TSPAN5: variants seen among roughly 807,000 people sequenced by gnomAD.
TSPAN5 encodes tetraspanin 5, also known as tetraspanin-5.
In TSPAN5, 10 loss-of-function variants were observed where a neutral mutation model predicts 37.1. The observed-to-expected ratio is 0.27, with a 90% CI of 0.17 to 0.46. The LOEUF is 0.46. Among genes scored for constraint, TSPAN5 ranks in the 20% least tolerant of loss-of-function variants. The pLI is 1.00. For missense variants in TSPAN5, 195 were observed against 326.6 expected, an observed-to-expected ratio of 0.60 and a Z score of 3.11; for synonymous variants, 110 against 118.9, an observed-to-expected ratio of 0.93 and a Z score of 0.48.
At chr4:98,600,566 G>A (rs1392811176) in intron 1 of TSPAN5, among the ~76,000 whole-genome samples, 1 of 152,162 alleles carries the variant, frequency 6.6e-6, no homozygotes, top group Non-Finnish European at 1.5e-5. Flanking sequence ...TCCATAAGAT[G>A]CAACTCCTCA....
At chr4:98,530,271 T>A (rs187776060) in intron 1 of TSPAN5, among the ~76,000 whole-genome samples, 15 of 152,338 alleles carry the variant, frequency 9.8e-5, no homozygotes, top group Admixed American at 7.8e-4. Flanking sequence ...AAATGTCCCC[T>A]AGACACTGAG....
chr4:98,528,815 G>A (rs1415371111), intron 1 of TSPAN5, among the ~76,000 whole-genome samples: 1 of 152,154 alleles, frequency 6.6e-6, no homozygotes, highest in Non-Finnish European at 1.5e-5. Flanking sequence ...GTATGTACAA[G>A]GGCTAGCTAG....
chr4:98,634,775 T>C (rs1008409926), intron 1 of TSPAN5, among the ~76,000 whole-genome samples: 6 of 151,874 alleles, frequency 4.0e-5, no homozygotes, highest in Admixed American at 3.9e-4. Flanking sequence ...TTTCTACAGA[T>C]GAAGACCAGA....
chr4:98,620,082 T>A lies in TSPAN5; in HGVS notation c.81+38064A>T, dbSNP rs1342521631. Among the ~76,000 whole-genome samples the A allele has an allele frequency of 2.0e-5, 3 of 152,302 alleles. No individual in the cohort carries two copies. The East Asian group carries it at 5.8e-4, about 29-fold the overall frequency. On this transcript the variant is annotated intron_variant, in intron 1 of 7. Coordinates refer to ENST00000305798, the MANE Select transcript of TSPAN5 (RefSeq NM_005723.4). ...CTGCAAATTCTGAAACTCCTCCCAC[T>A]GAGAGGTGAGGTCTATGTCCCCTCA...
intron 4 of TSPAN5, among the ~76,000 whole-genome samples, 186 bp downstream of exon 4, chr4:98,481,819 T>C (rs1342469979): frequency 2.6e-5 from 4 of 152,140 alleles, no homozygotes; most frequent in African/African-American, 7.2e-5. Flanking sequence ...ATAGGAAATT[T>C]CCATTTAGAA....
intron 1 of TSPAN5, among the ~76,000 whole-genome samples, chr4:98,637,683 C>G (rs760128699): frequency 6.6e-6 from 1 of 152,112 alleles, no homozygotes; most frequent in Non-Finnish European, 1.5e-5. Context: ...TACACTTTTA[C>G]AGCTCTATCA....
At chr4:98,655,167 T>TTTTGTTTTTTGTTTG (rs1281288137) in intron 1 of TSPAN5, among the ~76,000 whole-genome samples, 1 of 152,096 alleles carries the variant, frequency 6.6e-6, no homozygotes, top group Non-Finnish European at 1.5e-5. Flanking sequence ...TGTTTTTGTT[T>TTTTGTTTTTTGTTTG]TTTGTTTTTT....
chr4:98,608,030 T>A lies in TSPAN5; in HGVS notation c.81+50116A>T, dbSNP rs560173613. 1.9e-3 allele frequency among the ~76,000 whole-genome samples: 287 copies of A among 152,274 alleles called. 4 individuals carry two copies. The highest frequency in any genetic ancestry group is 9.1e-3 in the South Asian group (44 of 4,826). On this transcript the variant is annotated intron_variant, in intron 1 of 7. Coordinates refer to ENST00000305798, the MANE Select transcript of TSPAN5 (RefSeq NM_005723.4). Reference sequence around the variant, plus strand: ...CGGGCCATGAAATTTATATATACTATACCTATTCATAAGATGGTATTTTTT... The same window carrying A: ...CGGGCCATGAAATTTATATATACTAAACCTATTCATAAGATGGTATTTTTT...
rs373346406 is a variant in TSPAN5 at position 98,598,995 on chromosome 4, C to T, written c.81+59151G>A. Among the ~76,000 whole-genome samples the T allele has an allele frequency of 4.7e-4, 71 of 152,264 alleles. 2 individuals carry two copies. The South Asian group carries it at 0.014, about 30-fold the overall frequency. On this transcript the variant is annotated intron_variant, in intron 1 of 7. Transcript: ENST00000305798. ...AACAGGAAAATCCTGTTAAAACATA[C>T]ACTTCAAAAAATCTCCAAGAGCTTT... is the stretch of plus-strand genomic sequence containing the variant.
chr4:98,603,567 T>C (rs1755934527), intron 1 of TSPAN5, among the ~76,000 whole-genome samples: 1 of 152,218 alleles, frequency 6.6e-6, no homozygotes, highest in South Asian at 2.1e-4. Context: ...TGTCTTCTGC[T>C]ATCTCAATTC....
chr4:98,649,704 C>T (rs1207668341), intron 1 of TSPAN5, among the ~76,000 whole-genome samples: 1 of 152,164 alleles, frequency 6.6e-6, no homozygotes, highest in Non-Finnish European at 1.5e-5. Flanking sequence ...GTGAAAGTAA[C>T]TTACTCAAAG....
intron 1 of TSPAN5, among the ~76,000 whole-genome samples, chr4:98,585,380 G>T (rs1187870055): frequency 6.6e-6 from 1 of 151,986 alleles, no homozygotes; most frequent in African/African-American, 2.4e-5. Flanking sequence ...CGCAATCTTG[G>T]CTTACTGCGA....
At chr4:98,537,923 CATGCTG>C (rs1232642348) in intron 1 of TSPAN5, among the ~76,000 whole-genome samples, 7 of 152,234 alleles carry the variant, frequency 4.6e-5, no homozygotes, top group Non-Finnish European at 1.0e-4. Flanking sequence ...CACCTTCTTC[CATGCTG>C]AGCTAGGCTG....
At chr4:98,619,779 G>A (rs1756438713) in intron 1 of TSPAN5, among the ~76,000 whole-genome samples, 1 of 152,166 alleles carries the variant, frequency 6.6e-6, no homozygotes, top group African/African-American at 2.4e-5. Context: ...TGGAGGTGGG[G>A]AGGTCCAAAA....
intron 1 of TSPAN5, among the ~76,000 whole-genome samples, chr4:98,556,246 C>A (rs1316815480): frequency 6.6e-6 from 1 of 152,174 alleles, no homozygotes; most frequent in Non-Finnish European, 1.5e-5. Flanking sequence ...TGTTATACAA[C>A]TTTAGGATGA....
At chr4:98,555,159 A>T (rs1254838332) in intron 1 of TSPAN5, among the ~76,000 whole-genome samples, 1 of 152,124 alleles carries the variant, frequency 6.6e-6, no homozygotes, top group East Asian at 1.9e-4. Flanking sequence ...CTGGTTACAG[A>T]GTTTCTTCAG....
chr4:98,521,116 G>C (rs1451481437), intron 1 of TSPAN5, among the ~76,000 whole-genome samples: 1 of 152,186 alleles, frequency 6.6e-6, no homozygotes, highest in East Asian at 1.9e-4. Flanking sequence ...ATTTTTAGTA[G>C]AGACAGGGTT....
intron 1 of TSPAN5, among the ~76,000 whole-genome samples, chr4:98,564,295 T>C (rs1490818370): frequency 6.6e-6 from 1 of 152,230 alleles, no homozygotes; most frequent in Non-Finnish European, 1.5e-5. Context: ...GAGTAAGATC[T>C]TTGAAAAGTA....
At chr4:98,621,490 C>T (rs1286927005) in intron 1 of TSPAN5, among the ~76,000 whole-genome samples, 2 of 151,750 alleles carry the variant, frequency 1.3e-5, no homozygotes, top group Admixed American at 6.6e-5. Context: ...GCCTCAGCCT[C>T]CCGAGTAGCT....
Sources: gnomAD v4.1 joint callset for allele counts (sites outside exome capture counted in the v4.1 genomes callset) on GRCh38, gnomAD v4.1.1 for gene constraint, MANE v1.5 for transcripts, NCBI Gene and HGNC (gene_info 2026-07-23, HGNC 2026-07-21) for gene names.